CAAP1: variants seen among roughly 807,000 people sequenced by gnomAD.
CAAP1 encodes the protein caspase activity and apoptosis inhibitor 1, also known as conserved anti-apoptotic protein.
Under a neutral mutation model 34.0 loss-of-function variants are expected in CAAP1, and 20 were observed. The ratio of observed to expected loss-of-function variants is 0.59; its 90% CI spans 0.41 to 0.86. The LOEUF (loss-of-function observed/expected upper bound fraction) is 0.86, where lower values mean the gene tolerates loss of function less well. Among genes scored for constraint, CAAP1 ranks in the 40% least tolerant of loss-of-function variants. CAAP1 has a pLI of 0.00. For missense variants in CAAP1, 538 were observed against 450.5 expected, an observed-to-expected ratio of 1.19 and a Z score of -1.76; for synonymous variants, 213 against 166.7, an observed-to-expected ratio of 1.28 and a Z score of -2.14.
chr9:26,846,372 C>T (rs184824826), intron 5 of CAAP1, among the ~76,000 whole-genome samples: 3 of 141,070 alleles, frequency 2.1e-5, no homozygotes, highest in Admixed American at 7.4e-5. Context: ...GCCGAGATTG[C>T]GCCACTGCAC....
At chr9:26,878,211 T>C (rs543712451) in intron 4 of CAAP1, among the ~76,000 whole-genome samples, 1 of 152,210 alleles carries the variant, frequency 6.6e-6, no homozygotes, top group Non-Finnish European at 1.5e-5. Flanking sequence ...CTCATTTTAT[T>C]CCCTGCAATT....
chr9:26,892,770 G>C lies in CAAP1; in HGVS notation c.-55C>G. On this transcript the variant is annotated 5_prime_UTR_variant, in exon 1 of 6. Coordinates refer to ENST00000333916, the MANE Select transcript of CAAP1 (RefSeq NM_024828.4). Reference sequence around the variant, plus strand: ...GTCCGCTGTCTCTGGTGCGACCGAAGCCCGACTCCTGCGGCCGTGGGCGGC... The same window carrying C: ...GTCCGCTGTCTCTGGTGCGACCGAACCCCGACTCCTGCGGCCGTGGGCGGC... The C allele has an allele frequency of 6.7e-7, 1 of 1,497,580 alleles. No homozygotes were observed. Among genetic ancestry groups the C allele is most frequent in the South Asian group, 1.3e-5 (1 of 76,846 alleles). The allele number at this position is 1,497,580 out of a possible 1,614,324, so 92.8% of individuals were successfully genotyped here. A position where few individuals can be genotyped will look rare whatever the true frequency, so the allele number is the denominator to read the frequency against.
At chr9:26,886,385 G>A (rs1287539435) in intron 2 of CAAP1, among the ~76,000 whole-genome samples, 197 bp from the exon 3 acceptor site, 1 of 152,122 alleles carries the variant, frequency 6.6e-6, no homozygotes, top group East Asian at 1.9e-4. Flanking sequence ...CTGCATATTT[G>A]AAGGGAATGC....
At chr9:26,857,625 AC>A (rs921749621) in intron 5 of CAAP1, among the ~76,000 whole-genome samples, 26 of 152,170 alleles carry the variant, frequency 1.7e-4, no homozygotes, top group Non-Finnish European at 3.1e-4. Flanking sequence ...GAGCAAAAAA[AC>A]AAAAACAAAA....
At chr9:26,884,129 C>T (rs983152518) in intron 4 of CAAP1, among the ~76,000 whole-genome samples, 22 of 152,054 alleles carry the variant, frequency 1.4e-4, no homozygotes, top group African/African-American at 5.1e-4. Context: ...AGGAAAAATG[C>T]TAAGCTTTGC....
intron 4 of CAAP1, among the ~76,000 whole-genome samples, chr9:26,878,374 C>G (rs1432196818): frequency 6.6e-6 from 1 of 152,096 alleles, no homozygotes; most frequent in African/African-American, 2.4e-5. Context: ...CCTTGGCGCT[C>G]AGGTTTAGTA....
intron 5 of CAAP1, among the ~76,000 whole-genome samples, chr9:26,849,352 G>A (rs1455769487): frequency 2.6e-5 from 4 of 152,104 alleles, no homozygotes; most frequent in Non-Finnish European, 5.9e-5. Context: ...GCCCTAAATG[G>A]TATGTAGTAT....
chr9:26,892,273 G>C (rs1472805403), intron 1 of CAAP1, 140 bp downstream of exon 1: 2 of 1,530,276 alleles, frequency 1.3e-6, no homozygotes, highest in Non-Finnish European at 1.7e-6. Context: ...ACTTAGGTAG[G>C]AACATGAACC....
intron 5 of CAAP1, among the ~76,000 whole-genome samples, chr9:26,852,190 CA>C (rs1380512055): frequency 6.6e-6 from 1 of 151,828 alleles, no homozygotes; most frequent in Non-Finnish European, 1.5e-5. Flanking sequence ...TCCCAGGGCT[CA>C]TGCCTGTAAT....
At chr9:26,892,357 G>C in intron 1 of CAAP1, 56 bp downstream of exon 1, 2 of 1,588,304 alleles carry the variant, frequency 1.3e-6, no homozygotes, top group Non-Finnish European at 1.7e-6. Context: ...CTGGAAGCCC[G>C]ACTTCTTCCG....
At chr9:26,851,303 A>C (rs1024395020) in intron 5 of CAAP1, among the ~76,000 whole-genome samples, 1 of 152,224 alleles carries the variant, frequency 6.6e-6, no homozygotes, top group African/African-American at 2.4e-5. Flanking sequence ...GAATGGGTAC[A>C]ATCTAATAGG....
chr9:26,844,961 ATTTC>A (rs1427287924), intron 5 of CAAP1, among the ~76,000 whole-genome samples: 1 of 152,132 alleles, frequency 6.6e-6, no homozygotes, highest in South Asian at 2.1e-4. Flanking sequence ...TATCCAGATT[ATTTC>A]TTTATTTTCC....
intron 4 of CAAP1, among the ~76,000 whole-genome samples, chr9:26,878,121 A>C (rs1823490488): frequency 6.6e-6 from 1 of 152,160 alleles, no homozygotes; most frequent in Non-Finnish European, 1.5e-5. Flanking sequence ...ATTCTGATTA[A>C]CTTACAGAAT....
Position 26,861,141 on chromosome 9 carries a change from T to C in CAAP1, c.666-2A>G. 6.2e-7 allele frequency: 1 copy of C among 1,601,268 alleles called. No individual in the cohort carries two copies. Among genetic ancestry groups the C allele is most frequent in the Non-Finnish European group, 8.5e-7 (1 of 1,169,756 alleles). Reference sequence around the variant, plus strand: ...GCAGAATCTATACAGATGTCTTGCCTGGGAAATGAAAATAAGATCAACCTT... The same window carrying C: ...GCAGAATCTATACAGATGTCTTGCCCGGGAAATGAAAATAAGATCAACCTT... On this transcript the variant is annotated splice_acceptor_variant, in intron 4 of 5. Transcript: ENST00000333916. LOFTEE classifies it high-confidence loss of function.
chr9:26,880,313 G>T, intron 4 of CAAP1: 1 of 336,222 alleles, frequency 3.0e-6, no homozygotes, highest in South Asian at 2.4e-5. Flanking sequence ...GGTCTGATTT[G>T]AAGTCCTGAG....
chr9:26,892,557 G>C lies in CAAP1; in HGVS notation c.159C>G (p.Ser53Arg), dbSNP rs2131350412. 6.3e-7 allele frequency: 1 copy of C among 1,585,826 alleles called. No individual in the cohort carries two copies. Among genetic ancestry groups the C allele is most frequent in the Non-Finnish European group, 8.6e-7 (1 of 1,166,582 alleles). The change falls in exon 1 of 6, where the codon AGC becomes AGG. Residue 53 changes from serine (S) to arginine (R), a missense_variant. By Grantham distance (110) the Ser-to-Arg change is moderately radical (BLOSUM62 -1). Coordinates refer to ENST00000333916, the MANE Select transcript of CAAP1 (RefSeq NM_024828.4). Reference protein sequence around the residue: ...CGSAGGCGSVSCCGNANFSGS... With the variant: ...CGSAGGCGSVRCCGNANFSGS... ...CACTAAAATTGGCGTTCCCACAGCA[G>C]CTGACGCTCCCGCAGCCCCCGGCGC...
intron 4 of CAAP1, among the ~76,000 whole-genome samples, chr9:26,874,063 C>T (rs1268403565): frequency 6.6e-6 from 1 of 151,562 alleles, no homozygotes; most frequent in Non-Finnish European, 1.5e-5. Context: ...AAAAATTAGC[C>T]GGATGTGGTG....
rs532732341 is a variant in CAAP1, at chr9:26,887,292, G to A, written c.504+21C>T. The stretch of plus-strand genomic sequence containing the variant: ...GGCTGTATTTCTACATATGTATCTA[G>A]TCTGATGTGTAATGAAGTACCTTTA... On this transcript the variant is annotated intron_variant, in intron 2 of 5. Transcript: ENST00000333916. 3.3e-5 allele frequency: 48 copies of A among 1,466,448 alleles called. No homozygotes were observed. In the South Asian group the frequency reaches 5.5e-4, roughly 17 times the overall value. 90.8% of individuals were successfully genotyped at this position (1,466,448 alleles called of 1,614,324 possible). A position where few individuals can be genotyped will look rare whatever the true frequency, so the allele number is the denominator to read the frequency against.
intron 5 of CAAP1, among the ~76,000 whole-genome samples, chr9:26,846,415 C>CAAAAAAAAAAAAAAAAAAAAA (rs761402354): frequency 6.5e-5 from 4 of 61,748 alleles, no homozygotes; most frequent in Non-Finnish European, 1.3e-4. Flanking sequence ...GACTCTGTCT[C>CAAAAAAAAAAAAAAAAAAAAA]AAAAAAAAAA....
Sources: gnomAD v4.1 joint callset for allele counts (sites outside exome capture counted in the v4.1 genomes callset) on GRCh38, gnomAD v4.1.1 for gene constraint, MANE v1.5 for transcripts, NCBI Gene and HGNC (gene_info 2026-07-23, HGNC 2026-07-21) for gene names.